MRC2: variants seen among roughly 807,000 people sequenced by gnomAD.
MRC2 encodes C-type mannose receptor 2.
MRC2 carries 84 observed loss-of-function variants against 206.2 expected under a neutral mutation model. That is an observed-to-expected ratio of 0.41 (90% CI 0.34 to 0.49). The LOEUF is 0.49. Ranked by LOEUF, MRC2 falls within the 20% of genes least tolerant of loss-of-function variation. The probability of loss-of-function intolerance (pLI) is 0.31; values close to 1 mark genes in which losing one functional copy is unlikely to be tolerated. For missense variants in MRC2, 1,676 were observed against 2,001.5 expected (o/e 0.84, Z 3.10); for synonymous variants, 798 against 800.0 (o/e 1.00, Z 0.04).
At chr17:62,684,022 A>C (rs1459845236) in intron 20 of MRC2, 1 of 152,224 alleles carries the variant, frequency 6.6e-6, no homozygotes, top group East Asian at 1.9e-4. Context: ...TAGTTCATGA[A>C]AGTTGAAGGT....
rs1483355136 is a variant in MRC2 at position 62,675,610 on chromosome 17, G to C, written c.1570-180G>C. ...CCCAGCTTCCACAGCTGTGGGTGATGGTGGAGGGGGAATGTGGAGAAACGA... is the reference window on the plus strand; with the variant it reads ...CCCAGCTTCCACAGCTGTGGGTGATCGTGGAGGGGGAATGTGGAGAAACGA... On this transcript the variant is annotated intron_variant, in intron 9 of 29. Transcript: ENST00000303375. This position sits in a 1 kb window ranked among gnomAD's most constrained non-coding sequence, Gnocchi z 4.1. Among the ~76,000 whole-genome samples, 1 of 152,182 alleles carries C rather than the reference G, an allele frequency of 6.6e-6. No homozygotes were observed. Among genetic ancestry groups the C allele is most frequent in the African/African-American group, 2.4e-5 (1 of 41,434 alleles).
At chr17:62,690,511 C>A in intron 26 of MRC2, 131 bp from the exon 27 acceptor site, 1 of 1,409,814 alleles carries the variant, frequency 7.1e-7, no homozygotes, top group Non-Finnish European at 9.6e-7. Flanking sequence ...TGTGCACACA[C>A]ACACACATGA....
intron 1 of MRC2, among the ~76,000 whole-genome samples, chr17:62,634,599 C>T (rs1568047063): frequency 6.6e-6 from 1 of 151,912 alleles, no homozygotes; most frequent in Admixed American, 6.6e-5. Context: ...ACGCCTAGCC[C>T]AGAGATCACT....
Position 62,692,686 on chromosome 17 carries a change from AG to A in MRC2, c.*237del. 1.9e-6 allele frequency: 1 copy of A among 513,010 alleles called. No homozygotes were observed. Among genetic ancestry groups the A allele is most frequent in the Non-Finnish European group, 3.5e-6 (1 of 283,322 alleles). 31.8% of individuals were successfully genotyped at this position (513,010 alleles called of 1,614,324 possible). A position where few individuals can be genotyped will look rare whatever the true frequency, so the allele number is the denominator to read the frequency against. ...GCGTTTCCCTTTCTGGGGGGGCCTGAGGTCTTGTCACCTGGTCCTGTGCCCC... is the reference window on the plus strand; with the variant it reads ...GCGTTTCCCTTTCTGGGGGGGCCTGAGTCTTGTCACCTGGTCCTGTGCCCC... On this transcript the variant is annotated 3_prime_UTR_variant, in exon 30 of 30. Coordinates refer to ENST00000303375, the MANE Select transcript of MRC2 (RefSeq NM_006039.5). This position sits in a 1 kb window ranked among gnomAD's most constrained non-coding sequence, Gnocchi z 4.2.
chr17:62,692,067 G>A lies in MRC2; in HGVS notation c.4193-45G>A. 6.2e-7 allele frequency: 1 copy of A among 1,611,770 alleles called. No homozygotes were observed. The highest frequency in any genetic ancestry group is 8.5e-7 in the Non-Finnish European group (1 of 1,177,894). ...GTATGTTTACTTAAGTGATTATTAC[G>A]ATGATCACTGCTATTATTAACTGGC... is the stretch of plus-strand genomic sequence containing the variant. On this transcript the variant is annotated intron_variant, in intron 28 of 29. Transcript: ENST00000303375. This position sits in a 1 kb window ranked among gnomAD's most constrained non-coding sequence, Gnocchi z 4.2.
rs1185581312 is a variant in MRC2, at chr17:62,667,471, G to A, written c.1055G>A (p.Ser352Asn). The part of the protein sequence containing the change: ...SSGGWQNRDC[S>N]IALPYVCKKK... ...GGCGGCTGGCAGAACCGTGACTGCAGCATCGCGCTGCCCTATGTGTGCAAG... is the reference window on the plus strand; with the variant it reads ...GGCGGCTGGCAGAACCGTGACTGCAACATCGCGCTGCCCTATGTGTGCAAG... The change falls in exon 6 of 30, where the codon AGC becomes AAC. Residue 352 changes from serine to asparagine, a missense_variant. Physicochemically the swap from Ser to Asn is conservative, Grantham distance 46. Around this residue, in one of 3 missense-constraint regions of MRC2, gnomAD observed 1,354 missense variants for 1,636.6 expected, o/e 0.83. Coordinates refer to ENST00000303375, the MANE Select transcript of MRC2 (RefSeq NM_006039.5). This position sits in a 1 kb window ranked among gnomAD's most constrained non-coding sequence, Gnocchi z 4.1. 1 of 1,612,682 alleles carries A rather than the reference G, an allele frequency of 6.2e-7. No homozygotes were observed. Among genetic ancestry groups the A allele is most frequent in the Non-Finnish European group, 8.5e-7 (1 of 1,179,780 alleles).
chr17:62,664,974 G>A lies in MRC2; in HGVS notation c.520+25G>A. 1 of 1,576,004 alleles carries A rather than the reference G, an allele frequency of 6.3e-7. No homozygotes were observed. Among genetic ancestry groups the A allele is most frequent in the Non-Finnish European group, 8.6e-7 (1 of 1,163,872 alleles). On this transcript the variant is annotated intron_variant, in intron 2 of 29. Transcript: ENST00000303375. This position sits in a 1 kb window ranked among gnomAD's most constrained non-coding sequence, Gnocchi z 4.7. ...GGTGAGGGGCCGCTTGCAGGCGGGA[G>A]GGTGGGGTCCCCGATGTCCAGGGGA...
At chr17:62,685,384 T>C (rs1420768115) in intron 20 of MRC2, among the ~76,000 whole-genome samples, 1 of 152,216 alleles carries the variant, frequency 6.6e-6, no homozygotes, top group Non-Finnish European at 1.5e-5. Flanking sequence ...GTATCATATT[T>C]TGAGCATCTC....
intron 1 of MRC2, among the ~76,000 whole-genome samples, chr17:62,629,548 G>A (rs546554677): frequency 6.6e-6 from 1 of 152,348 alleles, no homozygotes; most frequent in East Asian, 1.9e-4. Context: ...GGATCTGGGT[G>A]GCAGGCAGTG....
At position 62,691,076 on chromosome 17, in the gene MRC2, C is replaced by T. The variant is rs1362493189; in HGVS notation, c.4140C>T (p.Arg1380=). The T allele has an allele frequency of 3.7e-6, 6 of 1,609,834 alleles. No homozygotes were observed. Among genetic ancestry groups the T allele is most frequent in the Non-Finnish European group, 4.2e-6 (5 of 1,178,868 alleles). The change falls in exon 28 of 30, where the codon CGC becomes CGT. Residue 1380 remains arginine, a synonymous_variant. Transcript: ENST00000303375. ...TTCAGAGCAACAGCGGGCTATGGCG[C>T]CCCGGCGCTTGCACCAACATCACCA... The part of the protein sequence containing the change: ...YWIQSNSGLW[R]PGACTNITMG...
At position 62,671,222 on chromosome 17, in the gene MRC2, C is replaced by T. The variant is rs1489110912; in HGVS notation, c.1118-427C>T. Among the ~76,000 whole-genome samples, 1 of 152,212 alleles carries T rather than the reference C, an allele frequency of 6.6e-6. No individual in the cohort carries two copies. Among genetic ancestry groups the T allele is most frequent in the Non-Finnish European group, 1.5e-5 (1 of 68,040 alleles). ...GAGTAGCGGGACCACAGGCGCACATCACCATGCCTGGCTAATTTTTTATTT... is the reference window on the plus strand; with the variant it reads ...GAGTAGCGGGACCACAGGCGCACATTACCATGCCTGGCTAATTTTTTATTT... On this transcript the variant is annotated intron_variant, in intron 6 of 29. Transcript: ENST00000303375. The surrounding 1 kb of genome is among the most constrained non-coding windows in gnomAD (Gnocchi z 4.5).
chr17:62,635,439 T>A (rs1051904280), intron 1 of MRC2, among the ~76,000 whole-genome samples: 1 of 152,086 alleles, frequency 6.6e-6, no homozygotes, highest in Non-Finnish European at 1.5e-5. Flanking sequence ...TAGGGAAGGA[T>A]AAGGAGCTTC....
At chr17:62,659,051 G>A (rs564579176) in intron 1 of MRC2, among the ~76,000 whole-genome samples, 1 of 152,282 alleles carries the variant, frequency 6.6e-6, no homozygotes, top group East Asian at 1.9e-4. Context: ...GGTTCCTGCC[G>A]ATTCAATGTC....
rs578176333 is a variant in MRC2 at position 62,666,339 on chromosome 17, G to A, written c.694+72G>A. 33 of 1,564,120 alleles carry A rather than the reference G, an allele frequency of 2.1e-5. No homozygotes were observed. In the African/African-American group the frequency reaches 3.1e-4, roughly 15 times the overall value. ...GAGGCTGGTGCTGAGGGGCCCCGGGGCCCAGGGTGAGATACTGCCCCCTCC... is the reference window on the plus strand; with the variant it reads ...GAGGCTGGTGCTGAGGGGCCCCGGGACCCAGGGTGAGATACTGCCCCCTCC... On this transcript the variant is annotated intron_variant, in intron 3 of 29. Coordinates refer to ENST00000303375, the MANE Select transcript of MRC2 (RefSeq NM_006039.5). This position sits in a 1 kb window ranked among gnomAD's most constrained non-coding sequence, Gnocchi z 5.0.
chr17:62,652,639 C>G lies in MRC2; in HGVS notation c.119-11909C>G, dbSNP rs777345505. Among the ~76,000 whole-genome samples, 21 of 152,058 alleles carry G rather than the reference C, an allele frequency of 1.4e-4. No individual in the cohort carries two copies. Among genetic ancestry groups the G allele is most frequent in the Non-Finnish European group, 2.9e-4 (20 of 68,022 alleles). ...CGCCAGGGGCAGCGGCCACGCAGAC[C>G]GGGCATTTGTCTAGCTGGGCGGGAG... On this transcript the variant is annotated intron_variant, in intron 1 of 29. Transcript: ENST00000303375. This position sits in a 1 kb window ranked among gnomAD's most constrained non-coding sequence, Gnocchi z 4.6.
intron 20 of MRC2, among the ~76,000 whole-genome samples, chr17:62,687,124 C>T (rs1432923261): frequency 1.3e-5 from 2 of 151,956 alleles, no homozygotes; most frequent in African/African-American, 4.8e-5. Context: ...CTGAATCCCA[C>T]CCCTGTCTTT....
chr17:62,685,479 A>G (rs1444972015), intron 20 of MRC2, among the ~76,000 whole-genome samples: 3 of 152,146 alleles, frequency 2.0e-5, no homozygotes, highest in African/African-American at 7.2e-5. Flanking sequence ...AATAGGTCCC[A>G]TTCTTAATCA....
chr17:62,652,633 G>T lies in MRC2; in HGVS notation c.119-11915G>T, dbSNP rs1396159184. Among the ~76,000 whole-genome samples, 2 of 152,164 alleles carry T rather than the reference G, an allele frequency of 1.3e-5. No homozygotes were observed. Among genetic ancestry groups the T allele is most frequent in the Non-Finnish European group, 2.9e-5 (2 of 68,038 alleles). On this transcript the variant is annotated intron_variant, in intron 1 of 29. Coordinates refer to ENST00000303375, the MANE Select transcript of MRC2 (RefSeq NM_006039.5). This position sits in a 1 kb window ranked among gnomAD's most constrained non-coding sequence, Gnocchi z 4.6. The stretch of plus-strand genomic sequence containing the variant: ...AGACGGCGCCAGGGGCAGCGGCCAC[G>T]CAGACCGGGCATTTGTCTAGCTGGG...
chr17:62,648,643 G>A (rs2088519670), intron 1 of MRC2, among the ~76,000 whole-genome samples: 2 of 152,190 alleles, frequency 1.3e-5, no homozygotes, highest in East Asian at 1.9e-4. Context: ...GACCTGAGGA[G>A]GGGTCCAGAG....
Sources: allele counts gnomAD v4.1 joint callset (sites outside exome capture counted in the v4.1 genomes callset), GRCh38; gene constraint gnomAD v4.1.1; regional missense constraint gnomAD v4.1.1; non-coding constraint Gnocchi (gnomAD v3.1); transcripts MANE v1.5; gene names NCBI Gene and HGNC (gene_info 2026-07-23, HGNC 2026-07-21).